Variants in GRID1 observed in about 807,000 individuals in gnomAD.
GRID1 encodes the protein glutamate receptor ionotropic, delta-1.
A neutral mutation model predicts 98.0 loss-of-function variants in GRID1; 28 were observed. The observed-to-expected ratio is 0.29, with a 90% CI of 0.21 to 0.39. The LOEUF is 0.39. Ranked by LOEUF, GRID1 falls within the 10% of genes least tolerant of loss-of-function variation. GRID1 has a pLI of 1.00. For missense variants in GRID1, 1,111 were observed against 1,340.5 expected (o/e 0.83, Z 2.67); for synonymous variants, 553 against 538.5 (o/e 1.03, Z -0.37).
intron 7 of GRID1, among the ~76,000 whole-genome samples, chr10:85,854,958 T>C (rs1450559128): frequency 6.6e-6 from 1 of 152,208 alleles, no homozygotes; most frequent in East Asian, 1.9e-4. Context: ...AGTCCTCCCC[T>C]TGCAATCAGT....
At chr10:85,771,218 A>G (rs1456311334) in intron 8 of GRID1, among the ~76,000 whole-genome samples, 1 of 152,200 alleles carries the variant, frequency 6.6e-6, no homozygotes, top group East Asian at 1.9e-4. Flanking sequence ...TATCCAGCCA[A>G]ACTAAGATTC....
chr10:85,893,913 GA>G (rs34618794), intron 5 of GRID1, among the ~76,000 whole-genome samples: 9,082 of 152,278 alleles, frequency 0.06, 327 homozygotes, highest in Non-Finnish European at 0.079. Context: ...ACTTCAGAGT[GA>G]ATTCCTCTTA....
At chr10:86,169,803 A>G (rs1845455531) in intron 3 of GRID1, among the ~76,000 whole-genome samples, 1 of 152,178 alleles carries the variant, frequency 6.6e-6, no homozygotes, top group South Asian at 2.1e-4. Context: ...GGAACTCCCC[A>G]AAGATGTCCC....
chr10:85,959,044 C>G (rs907692727), intron 4 of GRID1, among the ~76,000 whole-genome samples: 1 of 152,026 alleles, frequency 6.6e-6, no homozygotes, highest in Non-Finnish European at 1.5e-5. Context: ...CTGTGTTGAG[C>G]TGGGGCATTG....
intron 4 of GRID1, among the ~76,000 whole-genome samples, chr10:85,932,920 G>A (rs1589303520): frequency 6.6e-6 from 1 of 152,164 alleles, no homozygotes; most frequent in Non-Finnish European, 1.5e-5. Context: ...AAAACTAGCT[G>A]AGAACCCAAA....
chr10:86,008,469 AG>A (rs1336932229), intron 4 of GRID1, among the ~76,000 whole-genome samples: 2 of 152,232 alleles, frequency 1.3e-5, no homozygotes, highest in Non-Finnish European at 2.9e-5. Flanking sequence ...GAAGTAAAAA[AG>A]ACAAATGGAA....
intron 8 of GRID1, among the ~76,000 whole-genome samples, chr10:85,846,347 G>A (rs1011710071): frequency 6.6e-6 from 1 of 152,046 alleles, no homozygotes; most frequent in Non-Finnish European, 1.5e-5. Context: ...AGCGTCACCA[G>A]GATGGTGAAA....
chr10:86,151,331 C>A (rs145152032), intron 3 of GRID1, among the ~76,000 whole-genome samples: 72 of 152,244 alleles, frequency 4.7e-4, no homozygotes, highest in Middle Eastern at 6.8e-3. Flanking sequence ...ATGCCCATTT[C>A]ACAGATAAGT....
intron 4 of GRID1, among the ~76,000 whole-genome samples, chr10:86,121,285 T>G (rs1342635475): frequency 6.6e-6 from 1 of 151,480 alleles, no homozygotes; most frequent in African/African-American, 2.4e-5. Context: ...ATTCTGCACC[T>G]TAACAAAAAA....
At chr10:85,934,881 G>A (rs1240319263) in intron 4 of GRID1, among the ~76,000 whole-genome samples, 1 of 152,142 alleles carries the variant, frequency 6.6e-6, no homozygotes, top group Non-Finnish European at 1.5e-5. Flanking sequence ...CCACAAGTAA[G>A]TCCTGTAGAC....
chr10:85,645,139 CAAAAG>C, intron 13 of GRID1, among the ~76,000 whole-genome samples: 1 of 151,732 alleles, frequency 6.6e-6, no homozygotes. Context: ...TTAACAAAGT[CAAAAG>C]TAGCTATCTT....
At chr10:86,002,180 A>AG (rs1459335966) in intron 4 of GRID1, among the ~76,000 whole-genome samples, 10 of 152,362 alleles carry the variant, frequency 6.6e-5, no homozygotes, top group Middle Eastern at 3.4e-3. Context: ...CACAGTTACC[A>AG]GGGGTTAAGT....
intron 2 of GRID1, among the ~76,000 whole-genome samples, chr10:86,291,709 C>T (rs1049848144): frequency 6.6e-6 from 1 of 152,192 alleles, no homozygotes; most frequent in Non-Finnish European, 1.5e-5. Flanking sequence ...CCCCACCAAA[C>T]GGAGAGCTCC....
At chr10:85,835,731 T>C (rs1842906673) in intron 8 of GRID1, among the ~76,000 whole-genome samples, 1 of 152,186 alleles carries the variant, frequency 6.6e-6, no homozygotes, top group African/African-American at 2.4e-5. Context: ...CAGCAGAATA[T>C]ACATCTTTTC....
chr10:85,722,337 A>G (rs1841713342), intron 12 of GRID1, among the ~76,000 whole-genome samples: 4 of 152,236 alleles, frequency 2.6e-5, no homozygotes, highest in South Asian at 2.1e-4. Flanking sequence ...ATCCATGCCT[A>G]TGACCACTTC....
At chr10:86,197,966 G>A (rs556212177) in intron 3 of GRID1, among the ~76,000 whole-genome samples, 57 of 152,166 alleles carry the variant, frequency 3.7e-4, no homozygotes, top group Middle Eastern at 3.4e-3. Context: ...GAAAAAGTAT[G>A]TATTACTTCA....
chr10:85,681,201 T>C (rs1564557774), intron 12 of GRID1, among the ~76,000 whole-genome samples: 1 of 152,134 alleles, frequency 6.6e-6, no homozygotes, highest in Non-Finnish European at 1.5e-5. Context: ...CCCAATCTCA[T>C]GTTCAAGTTG....
rs144455247 is a variant in GRID1 at position 86,268,633 on chromosome 10, G to A, written c.236-61985C>T. Reference sequence around the variant, plus strand: ...TCTACATAGGCTTAGTGCCAGATATGTCCCTATGATAACCACATGATGAAA... The same window carrying A: ...TCTACATAGGCTTAGTGCCAGATATATCCCTATGATAACCACATGATGAAA... On this transcript the variant is annotated intron_variant, in intron 2 of 15. Coordinates refer to ENST00000327946, the MANE Select transcript of GRID1 (RefSeq NM_017551.3). 2.4e-3 allele frequency among the ~76,000 whole-genome samples: 365 copies of A among 152,352 alleles called. 2 individuals are homozygous for A. The highest frequency in any genetic ancestry group is 4.5e-3 in the Non-Finnish European group (304 of 68,034).
chr10:86,319,202 C>T (rs7894763), intron 2 of GRID1, among the ~76,000 whole-genome samples: 7,612 of 152,178 alleles, frequency 0.05, 309 homozygotes, highest in African/African-American at 0.11. Context: ...GAGACAAGAT[C>T]ATGAGGGTCT....
Sources: allele counts gnomAD v4.1 joint callset (sites outside exome capture counted in the v4.1 genomes callset), GRCh38; gene constraint gnomAD v4.1.1; transcripts MANE v1.5; gene names NCBI Gene and HGNC (gene_info 2026-07-23, HGNC 2026-07-21).